The following STK33 variants were observed in gnomAD, a reference collection of about 807,000 sequenced individuals.
The protein encoded by STK33 is serine/threonine-protein kinase 33.
Under a neutral mutation model 58.0 loss-of-function variants are expected in STK33, and 52 were observed. That is an observed-to-expected ratio of 0.90 (90% CI 0.72 to 1.13). STK33 has a LOEUF of 1.13. Ranked by LOEUF, STK33 falls within the 50% of genes most tolerant of loss-of-function variation. STK33 has a pLI of 0.00. For synonymous variants in STK33, 215 were observed against 200.1 expected (o/e 1.07, Z -0.63); for missense variants, 630 against 604.2 (o/e 1.04, Z -0.45).
At chr11:8,560,094 A>G (rs1432604031) in intron 1 of STK33, among the ~76,000 whole-genome samples, 2 of 152,166 alleles carry the variant, frequency 1.3e-5, no homozygotes, top group East Asian at 3.8e-4. Flanking sequence ...ATGATGCTAT[A>G]TGCAATAACC....
intron 15 of STK33, among the ~76,000 whole-genome samples, chr11:8,403,141 A>G (rs1171375661): frequency 1.3e-5 from 2 of 152,230 alleles, no homozygotes; most frequent in African/African-American, 2.4e-5. Context: ...TGTTGGGCAT[A>G]TATTTACCAA....
At chr11:8,373,395 T>C in the STK33 span, among the ~76,000 whole-genome samples, 2 of 151,920 alleles carry the variant, frequency 1.3e-5, no homozygotes, top group East Asian at 1.9e-4. Context: ...ATGATTTTGA[T>C]AGGACACGTC....
chr11:8,392,670 T>A lies in STK33; in HGVS notation c.1385A>T (p.Asp462Val). The A allele has an allele frequency of 1.9e-6, 3 of 1,614,236 alleles. No individual in the cohort carries two copies. The highest frequency in any genetic ancestry group is 1.1e-5 in the South Asian group (1 of 91,086). ...YEKQFPATSK[D>V]NFDMCSSSFT... ...ACTTGAACTGCACATATCAAAGTTG[T>A]CCTTACTGGTTGCAGGAAATTGCTT... The change falls in exon 16 of 16, where the codon GAC becomes GTC. Residue 462 changes from aspartate (D) to valine (V), a missense_variant. Coordinates refer to ENST00000687296, the MANE Select transcript of STK33 (RefSeq NM_001352389.2).
intron 11 of STK33, among the ~76,000 whole-genome samples, chr11:8,451,318 A>G (rs2136899205): frequency 6.6e-6 from 1 of 152,318 alleles, no homozygotes; most frequent in East Asian, 1.9e-4. Flanking sequence ...ATAGCCATAA[A>G]CTGGTAAAAA....
chr11:8,523,857 G>A (rs1276655133), intron 1 of STK33, among the ~76,000 whole-genome samples: 2 of 152,248 alleles, frequency 1.3e-5, no homozygotes, highest in Non-Finnish European at 2.9e-5. Flanking sequence ...TGATGACGAT[G>A]GCGGTTTTGT....
At chr11:8,547,386 G>C (rs1036532586) in intron 1 of STK33, among the ~76,000 whole-genome samples, 2 of 152,084 alleles carry the variant, frequency 1.3e-5, no homozygotes, top group Admixed American at 1.3e-4. Context: ...GGCTAATTTT[G>C]TATTTTTCCT....
In STK33 at chr11:8,520,715, G is replaced by A. The variant is rs537669180; in HGVS notation, c.-465-40101C>T. ...TATACCAATAACAGACAAACAGACA[G>A]CCAAATCATGAGTGAACTCACGTTC... On this transcript the variant is annotated intron_variant, in intron 1 of 15. Transcript: ENST00000687296. Among the ~76,000 whole-genome samples, 12 of 152,198 alleles carry A rather than the reference G, an allele frequency of 7.9e-5. No individual in the cohort carries two copies. The South Asian group carries it at 2.5e-3, about 32-fold the overall frequency.
intron 1 of STK33, among the ~76,000 whole-genome samples, chr11:8,582,444 C>T (rs1472768404): frequency 2.0e-5 from 3 of 152,156 alleles, no homozygotes; most frequent in Admixed American, 6.5e-5. Flanking sequence ...CCTCAGGAAA[C>T]TTACAATCAT....
chr11:8,339,228 A>G, the STK33 span, among the ~76,000 whole-genome samples: 1 of 152,294 alleles, frequency 6.6e-6, no homozygotes, highest in African/African-American at 2.4e-5. Context: ...CACGCCTCCG[A>G]GTGATTCTTC....
At chr11:8,339,674 T>C in the STK33 span, among the ~76,000 whole-genome samples, 1 of 151,460 alleles carries the variant, frequency 6.6e-6, no homozygotes. Flanking sequence ...GCCCAGACGT[T>C]CTCTACAGCG....
At chr11:8,522,032 T>A (rs1221768814) in intron 1 of STK33, among the ~76,000 whole-genome samples, 1 of 152,226 alleles carries the variant, frequency 6.6e-6, no homozygotes, top group African/African-American at 2.4e-5. Context: ...TTGGTGGGAC[T>A]GCACACTAGC....
intron 1 of STK33, among the ~76,000 whole-genome samples, chr11:8,546,777 T>C (rs573831342): frequency 2.0e-5 from 3 of 152,240 alleles, no homozygotes; most frequent in South Asian, 4.1e-4. Context: ...TTGTCATTTA[T>C]GGCTGAATAA....
At chr11:8,552,586 A>T (rs1956376158) in intron 1 of STK33, among the ~76,000 whole-genome samples, 1 of 151,756 alleles carries the variant, frequency 6.6e-6, no homozygotes, top group African/African-American at 2.4e-5. Context: ...TTACTCATTT[A>T]TTTTTTTACT....
the STK33 span, among the ~76,000 whole-genome samples, chr11:8,348,319 C>T: frequency 6.6e-6 from 1 of 152,164 alleles, no homozygotes. Flanking sequence ...TGCAGGGCTG[C>T]AGACACCTCA....
At chr11:8,495,823 T>G (rs1468730035) in intron 1 of STK33, among the ~76,000 whole-genome samples, 1 of 152,062 alleles carries the variant, frequency 6.6e-6, no homozygotes, top group Admixed American at 6.5e-5. Context: ...CTGAAAACCA[T>G]CATTCTCAGC....
At chr11:8,375,129 G>C in the STK33 span, among the ~76,000 whole-genome samples, 1 of 152,204 alleles carries the variant, frequency 6.6e-6, no homozygotes, top group Non-Finnish European at 1.5e-5. Context: ...TTGAAGAGAT[G>C]CCATCCTGAG....
intron 15 of STK33, among the ~76,000 whole-genome samples, chr11:8,394,328 C>A (rs189201556): frequency 6.6e-6 from 1 of 152,230 alleles, no homozygotes; most frequent in African/African-American, 2.4e-5. Context: ...AATTTCAATT[C>A]ATAAAATTTA....
At chr11:8,468,165 C>T (rs11041937) in intron 6 of STK33, among the ~76,000 whole-genome samples, 2,374 of 152,204 alleles carry the variant, frequency 0.016, 19 homozygotes, top group East Asian at 0.046. Flanking sequence ...TCACATCTTA[C>T]GTGGATGGAA....
chr11:8,509,550 T>C (rs1281853856), intron 1 of STK33, among the ~76,000 whole-genome samples: 1 of 152,140 alleles, frequency 6.6e-6, no homozygotes, highest in Admixed American at 6.6e-5. Flanking sequence ...GTACAGGTGG[T>C]TTCTGGTTAC....
Sources: gnomAD v4.1 joint callset for allele counts (sites outside exome capture counted in the v4.1 genomes callset) on GRCh38, gnomAD v4.1.1 for gene constraint, MANE v1.5 for transcripts, NCBI Gene and HGNC (gene_info 2026-07-23, HGNC 2026-07-21) for gene names.